Variants in ZFAT observed in about 807,000 individuals in gnomAD.
ZFAT encodes zinc finger and AT-hook domain containing, also known as zinc finger protein ZFAT.
Under a neutral mutation model 117.7 loss-of-function variants are expected in ZFAT, and 64 were observed. The observed-to-expected ratio is 0.54, with a 90% CI of 0.44 to 0.67. The LOEUF is 0.67. ZFAT is among the 30% of genes least tolerant of loss of function. ZFAT has a pLI of 0.00. For synonymous variants in ZFAT, 679 were observed against 615.0 expected (o/e 1.10, Z -1.54); for missense variants, 1,433 against 1,584.5 (o/e 0.90, Z 1.62).
At chr8:134,677,144 T>G (rs1832844893) in intron 1 of ZFAT, among the ~76,000 whole-genome samples, 1 of 151,978 alleles carries the variant, frequency 6.6e-6, no homozygotes, top group Non-Finnish European at 1.5e-5. Flanking sequence ...AAAAAATCAA[T>G]GAATCCAGTA....
At chr8:134,765,602 G>A in the ZFAT span, 1 of 152,134 alleles carries the variant, frequency 6.6e-6, no homozygotes, top group Non-Finnish European at 1.5e-5. Flanking sequence ...ACCCAAGCCT[G>A]TCTCAGACCT....
intron 2 of ZFAT, among the ~76,000 whole-genome samples, chr8:134,656,511 T>G (rs1831613637): frequency 6.6e-6 from 1 of 152,166 alleles, no homozygotes; most frequent in African/African-American, 2.4e-5. Flanking sequence ...CTTCCTAACT[T>G]CCCAAAAACT....
At chr8:134,523,533 C>A (rs1379551579) in intron 12 of ZFAT, among the ~76,000 whole-genome samples, 1 of 152,186 alleles carries the variant, frequency 6.6e-6, no homozygotes, top group Non-Finnish European at 1.5e-5. Flanking sequence ...CACTGTTGGT[C>A]CACTTCCCAC....
the ZFAT span, among the ~76,000 whole-genome samples, chr8:134,786,423 T>C: frequency 6.6e-6 from 1 of 152,222 alleles, no homozygotes; most frequent in Non-Finnish European, 1.5e-5. Flanking sequence ...CGTTTATTCA[T>C]CTATTAAGAG....
intron 11 of ZFAT, among the ~76,000 whole-genome samples, chr8:134,534,775 A>AAGAGAGAG (rs36097833): frequency 0.02 from 2,736 of 136,374 alleles, 65 homozygotes; most frequent in African/African-American, 0.051. Flanking sequence ...GAGAGGGAGA[A>AAGAGAGAG]AGAGAGAGAG....
chr8:134,632,910 A>T (rs922742463), intron 3 of ZFAT, among the ~76,000 whole-genome samples: 5 of 152,336 alleles, frequency 3.3e-5, no homozygotes, highest in Non-Finnish European at 7.4e-5. Context: ...GGGGCAACAA[A>T]TTAAAACAAT....
At chr8:134,610,717 T>C (rs1586813188) in intron 3 of ZFAT, 62 bp from the exon 4 acceptor site, 1 of 1,563,820 alleles carries the variant, frequency 6.4e-7, no homozygotes. Flanking sequence ...AGTTGGAGGG[T>C]AAACACTACT....
chr8:134,779,151 C>T, the ZFAT span, among the ~76,000 whole-genome samples: 19 of 152,324 alleles, frequency 1.2e-4, no homozygotes, highest in African/African-American at 4.6e-4. Flanking sequence ...AATAGATGTT[C>T]AACAGATTGA....
At chr8:134,791,454 C>G in the ZFAT span, among the ~76,000 whole-genome samples, 32 of 152,310 alleles carry the variant, frequency 2.1e-4, no homozygotes, top group African/African-American at 7.2e-4. Context: ...AGTGTACCTT[C>G]AGCTGCTGAG....
intron 1 of ZFAT, among the ~76,000 whole-genome samples, chr8:134,668,288 C>T (rs1384397478): frequency 1.3e-5 from 2 of 152,218 alleles, no homozygotes; most frequent in African/African-American, 2.4e-5. Flanking sequence ...AGTTTGAGAT[C>T]TGAGAACGGA....
chr8:134,711,637 T>A (rs535117058), intron 1 of ZFAT, among the ~76,000 whole-genome samples: 3 of 152,182 alleles, frequency 2.0e-5, no homozygotes, highest in Admixed American at 6.5e-5. Flanking sequence ...ATTAAAAAAA[T>A]TAAATTAAAA....
chr8:134,805,607 G>A, the ZFAT span, among the ~76,000 whole-genome samples: 3 of 152,154 alleles, frequency 2.0e-5, no homozygotes, highest in Non-Finnish European at 2.9e-5. Context: ...TTTTCTGAAA[G>A]AAAGGAAAAA....
chr8:134,552,268 A>C lies in ZFAT; in HGVS notation c.2976+13065T>G, dbSNP rs561304858. 2.0e-5 allele frequency among the ~76,000 whole-genome samples: 3 copies of C among 152,376 alleles called. No homozygotes were observed. In the East Asian group the frequency reaches 5.8e-4, roughly 29 times the overall value. ...TTCAGAAAAAAAAAATGTGTTGAAA[A>C]ATAAGTAAACATTTCATATGCTTTG... On this transcript the variant is annotated intron_variant, in intron 11 of 15. Transcript: ENST00000377838.
intron 13 of ZFAT, among the ~76,000 whole-genome samples, chr8:134,519,428 G>GTGTGCATTTCCATTGTAACTGATA (rs1820483868): frequency 6.6e-6 from 1 of 151,942 alleles, no homozygotes; most frequent in Non-Finnish European, 1.5e-5. Flanking sequence ...CTGATTTTAT[G>GTGTGCATTTCCATTGTAACTGATA]TATGTATATA....
chr8:134,695,736 C>T (rs1833801188), intron 1 of ZFAT, among the ~76,000 whole-genome samples: 1 of 149,998 alleles, frequency 6.7e-6, no homozygotes, highest in Non-Finnish European at 1.5e-5. Flanking sequence ...CCAGGCCTTG[C>T]CCGCATCTCT....
At chr8:134,651,121 A>G (rs929716737) in intron 2 of ZFAT, among the ~76,000 whole-genome samples, 1 of 152,360 alleles carries the variant, frequency 6.6e-6, no homozygotes. Flanking sequence ...AAAAAGTTTG[A>G]CAGTCCTTGA....
intron 11 of ZFAT, among the ~76,000 whole-genome samples, chr8:134,542,269 T>C (rs1300544315): frequency 1.3e-5 from 2 of 152,270 alleles, no homozygotes; most frequent in Non-Finnish European, 2.9e-5. Flanking sequence ...GTCTTGATCC[T>C]GCCATTCTCT....
the ZFAT span, among the ~76,000 whole-genome samples, chr8:134,817,443 C>A: frequency 8.2e-6 from 1 of 121,872 alleles, no homozygotes; most frequent in Non-Finnish European, 1.8e-5. Context: ...ACACAACGCA[C>A]CCTTATTGAT....
chr8:134,774,869 C>A, the ZFAT span, among the ~76,000 whole-genome samples: 8 of 151,638 alleles, frequency 5.3e-5, no homozygotes, highest in Non-Finnish European at 7.4e-5. Flanking sequence ...GTAATCCCAG[C>A]ACTTTGGGAA....
Sources: allele counts gnomAD v4.1 joint callset (sites outside exome capture counted in the v4.1 genomes callset), GRCh38; gene constraint gnomAD v4.1.1; transcripts MANE v1.5; gene names NCBI Gene and HGNC (gene_info 2026-07-23, HGNC 2026-07-21).